ANO5: variants seen among roughly 807,000 people sequenced by gnomAD.
ANO5 encodes anoctamin 5.
ANO5 carries 109 observed loss-of-function variants against 121.0 expected under a neutral mutation model. The observed-to-expected ratio is 0.90, with a 90% CI of 0.77 to 1.06. The LOEUF is 1.06. Among genes scored for constraint, ANO5 ranks in the 50% least tolerant of loss-of-function variants. The pLI, the probability that ANO5 is intolerant of heterozygous loss-of-function variation, is 0.00. For missense variants in ANO5, 1,064 were observed against 1,078.5 expected, an observed-to-expected ratio of 0.99 and a Z score of 0.19; for synonymous variants, 406 against 359.9, an observed-to-expected ratio of 1.13 and a Z score of -1.45.
chr11:22,279,257 T>C (rs1222992566), intron 21 of ANO5, among the ~76,000 whole-genome samples: 1 of 151,892 alleles, frequency 6.6e-6, no homozygotes, highest in Non-Finnish European at 1.5e-5. Context: ...TGAGTCTAAT[T>C]CCTTTATAAA....
intron 2 of ANO5, among the ~76,000 whole-genome samples, chr11:22,207,533 C>T (rs1852155108): frequency 6.6e-6 from 1 of 152,026 alleles, no homozygotes. Context: ...CAACATTGAT[C>T]ATGGACTAAA....
At chr11:22,264,365 C>T (rs1005462682) in intron 17 of ANO5, among the ~76,000 whole-genome samples, 1 of 151,344 alleles carries the variant, frequency 6.6e-6, no homozygotes, top group South Asian at 2.1e-4. Context: ...GATTGAGAAC[C>T]CAGAGGACTG....
intron 2 of ANO5, among the ~76,000 whole-genome samples, chr11:22,208,153 G>A (rs1852175506): frequency 6.6e-6 from 1 of 152,026 alleles, no homozygotes; most frequent in South Asian, 2.1e-4. Flanking sequence ...TGATTTTCAT[G>A]TAAGTTGGGT....
At chr11:22,272,640 A>T (rs1165575845) in intron 18 of ANO5, 144 bp from the exon 19 acceptor site, 1 of 752,454 alleles carries the variant, frequency 1.3e-6, no homozygotes, top group Non-Finnish European at 2.2e-6. Context: ...GTGGTAGAGG[A>T]GGAACTGGAC....
Position 22,270,301 on chromosome 11 carries a change from A to G in ANO5, c.1899-11A>G. 4 of 1,613,984 alleles carry G rather than the reference A, an allele frequency of 2.5e-6. No individual in the cohort carries two copies. The highest frequency in any genetic ancestry group is 2.5e-6 in the Non-Finnish European group (3 of 1,179,974). The stretch of plus-strand genomic sequence containing the variant: ...CCTATTTCATATATTAACTTTTATC[A>G]CTTCCAACAGCTTGGCTTTGAATTG... On this transcript the variant is annotated splice_polypyrimidine_tract_variant and intron_variant, in intron 17 of 21. Transcript: ENST00000324559.
Position 22,255,492 on chromosome 11 carries a change from T to C in ANO5, c.1302T>C (p.Cys434=). The change falls in exon 13 of 22, where the codon TGT becomes TGC. Residue 434 remains cysteine (C), a synonymous_variant. Transcript: ENST00000324559. ...LQLRPEFEAM[C]KHRKLNAVTK... ...TGAGACCAGAATTTGAAGCTATGTG[T>C]AAACACAGGAAATTGAATGCAGTGA... The C allele has an allele frequency of 1.2e-6, 2 of 1,613,508 alleles. No individual in the cohort carries two copies. The highest frequency in any genetic ancestry group is 2.2e-5 in the South Asian group (2 of 91,070).
chr11:22,252,671 T>G (rs1853867468), intron 12 of ANO5, among the ~76,000 whole-genome samples: 1 of 152,206 alleles, frequency 6.6e-6, no homozygotes, highest in Non-Finnish European at 1.5e-5. Context: ...CAATGGACAT[T>G]TTAATATATA....
intron 1 of ANO5, among the ~76,000 whole-genome samples, chr11:22,196,045 G>C (rs979922106): frequency 3.9e-5 from 6 of 152,214 alleles, no homozygotes; most frequent in Admixed American, 1.3e-4. Context: ...TGCTGGTTTA[G>C]TTTTACTGCC....
intron 7 of ANO5, among the ~76,000 whole-genome samples, chr11:22,232,187 C>T (rs1853063443): frequency 6.6e-6 from 1 of 151,952 alleles, no homozygotes; most frequent in Non-Finnish European, 1.5e-5. Flanking sequence ...CAGTTAAGCT[C>T]TTGTATGAAC....
intron 8 of ANO5, 75 bp downstream of exon 8, chr11:22,236,351 TC>T: frequency 8.2e-7 from 1 of 1,218,646 alleles, no homozygotes; most frequent in African/African-American, 1.5e-5. Context: ...GAGAGAATCT[TC>T]CTTTACTTCA....
At chr11:22,240,953 T>C (rs1040635753) in intron 9 of ANO5, among the ~76,000 whole-genome samples, 1 of 152,022 alleles carries the variant, frequency 6.6e-6, no homozygotes, top group African/African-American at 2.4e-5. Context: ...CAGAATGCCT[T>C]ATTATAAATT....
upstream of ANO5, among the ~76,000 whole-genome samples, chr11:22,192,643 G>A (rs1439566761): frequency 6.6e-6 from 1 of 152,242 alleles, no homozygotes; most frequent in East Asian, 1.9e-4. Flanking sequence ...GCACGCATGA[G>A]CGGATCGATG....
chr11:22,222,772 T>C (rs965447815), intron 5 of ANO5, among the ~76,000 whole-genome samples: 1 of 152,018 alleles, frequency 6.6e-6, no homozygotes, highest in African/African-American at 2.4e-5. Context: ...AAACTTACAA[T>C]TTACTGACTG....
intron 19 of ANO5, 87 bp downstream of exon 19, chr11:22,273,076 T>C (rs993425933): frequency 5.9e-5 from 78 of 1,325,532 alleles, no homozygotes; most frequent in Non-Finnish European, 6.5e-6. Flanking sequence ...CTTTACATGA[T>C]TTCATTATGG....
chr11:22,248,126 T>A (rs562787837), intron 9 of ANO5, among the ~76,000 whole-genome samples: 7 of 152,278 alleles, frequency 4.6e-5, no homozygotes, highest in African/African-American at 1.7e-4. Flanking sequence ...TTTAATTCTA[T>A]CATCATTCTT....
At chr11:22,220,057 A>T (rs562442374) in intron 4 of ANO5, among the ~76,000 whole-genome samples, 1 of 151,978 alleles carries the variant, frequency 6.6e-6, no homozygotes, top group South Asian at 2.1e-4. Context: ...GCTTATTTGC[A>T]TATAACTGAT....
chr11:22,251,380 A>C (rs1237914811), intron 12 of ANO5, among the ~76,000 whole-genome samples: 1 of 152,220 alleles, frequency 6.6e-6, no homozygotes, highest in East Asian at 1.9e-4. Context: ...ACTGGAACAC[A>C]GATCAAAAAC....
chr11:22,226,249 G>A (rs1852828779), intron 6 of ANO5, among the ~76,000 whole-genome samples, 197 bp downstream of exon 6: 1 of 152,006 alleles, frequency 6.6e-6, no homozygotes. Flanking sequence ...GTAATAAATG[G>A]AACACTTTAT....
At chr11:22,228,732 C>T (rs1852931983) in intron 7 of ANO5, among the ~76,000 whole-genome samples, 1 of 151,938 alleles carries the variant, frequency 6.6e-6, no homozygotes, top group Non-Finnish European at 1.5e-5. Context: ...TGGCTGAGAT[C>T]ATATGGTGTT....
Sources: allele counts gnomAD v4.1 joint callset (sites outside exome capture counted in the v4.1 genomes callset), GRCh38; gene constraint gnomAD v4.1.1; transcripts MANE v1.5; gene names NCBI Gene and HGNC (gene_info 2026-07-23, HGNC 2026-07-21).